WNK2: variants seen among roughly 807,000 people sequenced by gnomAD.
The protein encoded by WNK2 is serine/threonine-protein kinase WNK2.
A neutral mutation model predicts 192.1 loss-of-function variants in WNK2; 67 were observed. That is an observed-to-expected ratio of 0.35 (90% CI 0.29 to 0.43). WNK2 has a LOEUF of 0.43. WNK2 is among the 20% of genes least tolerant of loss of function. The pLI is 1.00. For synonymous variants in WNK2, 1,439 were observed against 1,393.9 expected, an observed-to-expected ratio of 1.03 and a Z score of -0.72; for missense variants, 2,698 against 3,089.7, an observed-to-expected ratio of 0.87 and a Z score of 3.01.
intron 2 of WNK2, among the ~76,000 whole-genome samples, chr9:93,216,397 G>C (rs545410313): frequency 6.6e-6 from 1 of 152,156 alleles, no homozygotes; most frequent in African/African-American, 2.4e-5. Flanking sequence ...TGTAGTCCCA[G>C]CATTTTCGGA....
At chr9:93,260,430 C>T (rs2132911254) in intron 12 of WNK2, among the ~76,000 whole-genome samples, 1 of 152,316 alleles carries the variant, frequency 6.6e-6, no homozygotes, top group African/African-American at 2.4e-5. Flanking sequence ...TCCTACCTGG[C>T]CTTACCCCAG....
At position 93,317,608 on chromosome 9, in the gene WNK2, C is replaced by A. The variant is rs377748076; in HGVS notation, c.6605C>A (p.Pro2202Gln). 6.2e-7 allele frequency: 1 copy of A among 1,613,076 alleles called. No individual in the cohort carries two copies. The highest frequency in any genetic ancestry group is 8.5e-7 in the Non-Finnish European group (1 of 1,179,856). Residue 2202 changes from proline to glutamine, a missense_variant, in exon 29 of 30, where the codon CCG becomes CAG. By Grantham distance (76) the Pro-to-Gln change is moderately conservative (BLOSUM62 -1). Coordinates refer to ENST00000427277, the MANE Select transcript of WNK2 (RefSeq NM_006648.4). ...LSTTVIPGAAPTLSVPTPDPE... is the reference protein window; with the variant it reads ...LSTTVIPGAAQTLSVPTPDPE... ...ACCACGGTCATTCCCGGAGCCGCCC[C>A]GACCCTGTCCGTGCCCACACCAGGT...
At chr9:93,215,758 A>G (rs7019910) in intron 2 of WNK2, among the ~76,000 whole-genome samples, 23,660 of 152,190 alleles carry the variant, frequency 0.16, 1,919 homozygotes, top group South Asian at 0.29. Context: ...ATTTCACACA[A>G]ATTTTAAAGT....
At chr9:93,243,494 C>T (rs1236320720) in intron 7 of WNK2, among the ~76,000 whole-genome samples, 1 of 152,166 alleles carries the variant, frequency 6.6e-6, no homozygotes, top group Admixed American at 6.5e-5. Context: ...GCATTTTTTT[C>T]ATTGTGAGAC....
intron 2 of WNK2, among the ~76,000 whole-genome samples, chr9:93,196,587 G>T (rs564342496): frequency 6.6e-6 from 1 of 152,262 alleles, no homozygotes; most frequent in African/African-American, 2.4e-5. Flanking sequence ...CAGCCAGAAG[G>T]TCCATTTTTC....
At chr9:93,263,410 G>T (rs1289030183) in intron 14 of WNK2, 156 bp from the exon 15 acceptor site, 16 of 871,790 alleles carry the variant, frequency 1.8e-5, no homozygotes, top group Admixed American at 2.6e-5. Flanking sequence ...GGGCCCAGAA[G>T]CAGGCTTGGG....
rs1854909156 is a variant in WNK2 at position 93,317,499 on chromosome 9, T to G, written c.6517-21T>G. On this transcript the variant is annotated intron_variant, in intron 28 of 29. Transcript: ENST00000427277. ...ATTGCAGCCACGTGTACCTTCCTCTTCTCGTCTCTGTGTTTTGTAGATGAC... is the reference window on the plus strand; with the variant it reads ...ATTGCAGCCACGTGTACCTTCCTCTGCTCGTCTCTGTGTTTTGTAGATGAC... The G allele has an allele frequency of 1.9e-6, 3 of 1,612,442 alleles. No individual in the cohort carries two copies. The South Asian group carries it at 3.3e-5, about 18-fold the overall frequency.
chr9:93,300,302 A>G, intron 26 of WNK2, 153 bp downstream of exon 26: 1 of 621,712 alleles, frequency 1.6e-6, no homozygotes, highest in South Asian at 2.0e-5. Flanking sequence ...GAACCCCATG[A>G]GCCGGTCCCC....
rs1479847818 is a variant in WNK2 at position 93,292,338 on chromosome 9, A to T, written c.4967A>T (p.Tyr1656Phe). 6.2e-7 allele frequency: 1 copy of T among 1,613,846 alleles called. No individual in the cohort carries two copies. Among genetic ancestry groups the T allele is most frequent in the African/African-American group, 1.3e-5 (1 of 74,934 alleles). Residue 1656 changes from tyrosine to phenylalanine, a missense_variant, in exon 22 of 30, where the codon TAT becomes TTT. Tyr to Phe is a conservative substitution (Grantham distance 22). Around this residue, in one of 7 missense-constraint regions of WNK2, gnomAD observed 1,098 missense variants for 1,101.0 expected, o/e 1.00. Transcript: ENST00000427277. ...TCGTCTCCCAGGAGTATGCTAGGCT[A>T]TGACAGAGATGGAAGGCAGGTGGCC... ...AESSPRSMLG[Y>F]DRDGRQVASD...
chr9:93,203,310 G>T lies in WNK2; in HGVS notation c.681+17700G>T, dbSNP rs377084224. Among the ~76,000 whole-genome samples, 3 of 152,176 alleles carry T rather than the reference G, an allele frequency of 2.0e-5. No individual in the cohort carries two copies. In the South Asian group the frequency reaches 6.2e-4, roughly 32 times the overall value. On this transcript the variant is annotated intron_variant, in intron 2 of 29. Transcript: ENST00000427277. ...CAGGACCATGGCTGGAGTGGACAGT[G>T]GTCTGAGTTGGGGGCATTGGTGGCG...
At chr9:93,213,379 T>C (rs1211473367) in intron 2 of WNK2, among the ~76,000 whole-genome samples, 1 of 152,250 alleles carries the variant, frequency 6.6e-6, no homozygotes, top group Non-Finnish European at 1.5e-5. Context: ...GTAATGGTAA[T>C]TTTAACAACC....
At chr9:93,218,692 TC>T (rs1410670679) in intron 2 of WNK2, among the ~76,000 whole-genome samples, 1 of 152,148 alleles carries the variant, frequency 6.6e-6, no homozygotes, top group Admixed American at 6.5e-5. Context: ...AGGAAAGGCC[TC>T]CTCCTTTGGG....
In WNK2 at chr9:93,300,037, A is replaced by G. The variant is rs779159755; in HGVS notation, c.6116-14A>G. On this transcript the variant is annotated splice_polypyrimidine_tract_variant and intron_variant, in intron 25 of 29. Coordinates refer to ENST00000427277, the MANE Select transcript of WNK2 (RefSeq NM_006648.4). Reference sequence around the variant, plus strand: ...AGTGTCTCTTTGTTTTCTTCCCTTTATATTCATTTGCAGGCTGGACGGTTT... The same window carrying G: ...AGTGTCTCTTTGTTTTCTTCCCTTTGTATTCATTTGCAGGCTGGACGGTTT... 2.1e-5 allele frequency: 34 copies of G among 1,609,394 alleles called. No individual in the cohort carries two copies. The highest frequency in any genetic ancestry group is 2.6e-5 in the Non-Finnish European group (31 of 1,176,712).
chr9:93,268,530 A>C, intron 18 of WNK2, 97 bp from the exon 19 acceptor site: 2 of 1,537,518 alleles, frequency 1.3e-6, no homozygotes, highest in Non-Finnish European at 1.8e-6. Flanking sequence ...AGGAGTTCAC[A>C]GACCCACTGT....
chr9:93,240,086 G>A, intron 7 of WNK2, 110 bp downstream of exon 7: 1 of 1,152,238 alleles, frequency 8.7e-7, no homozygotes, highest in Non-Finnish European at 1.2e-6. Flanking sequence ...GGGACTGCAA[G>A]GCCAGTGGGT....
At chr9:93,280,595 G>A (rs993691853) in intron 19 of WNK2, among the ~76,000 whole-genome samples, 1 of 152,140 alleles carries the variant, frequency 6.6e-6, no homozygotes, top group African/African-American at 2.4e-5. Context: ...ACCTGGAAAC[G>A]GCTTAGGTGT....
At position 93,259,123 on chromosome 9, in the gene WNK2, G is replaced by A; in HGVS notation, c.2575G>A (p.Val859Met). 1 of 1,611,788 alleles carries A rather than the reference G, an allele frequency of 6.2e-7. No individual in the cohort carries two copies. Among genetic ancestry groups the A allele is most frequent in the South Asian group, 1.1e-5 (1 of 90,998 alleles). ...PASPALPLQA[V>M]KLPHPPGAPL... ...GTCCCCAGCCTTGCCTCTGCAGGCT[G>A]TGAAGCTGCCCCACCCCCCTGGGGC... Residue 859 changes from valine to methionine, a missense_variant, in exon 12 of 30, where the codon GTG becomes ATG. Coordinates refer to ENST00000427277, the MANE Select transcript of WNK2 (RefSeq NM_006648.4). This position sits in a 1 kb window ranked among gnomAD's most constrained non-coding sequence, Gnocchi z 4.8.
At chr9:93,196,568 G>C (rs545659337) in intron 2 of WNK2, among the ~76,000 whole-genome samples, 1 of 152,276 alleles carries the variant, frequency 6.6e-6, no homozygotes. Context: ...TGGTTAGGTG[G>C]GGGCCAAGCA....
intron 2 of WNK2, among the ~76,000 whole-genome samples, chr9:93,213,525 C>T (rs944725000): frequency 1.6e-4 from 24 of 152,206 alleles, no homozygotes; most frequent in African/African-American, 5.1e-4. Context: ...CATGGTGGCT[C>T]ACACCTGTAA....
Sources: allele counts gnomAD v4.1 joint callset (sites outside exome capture counted in the v4.1 genomes callset), GRCh38; gene constraint gnomAD v4.1.1; regional missense constraint gnomAD v4.1.1; non-coding constraint Gnocchi (gnomAD v3.1); transcripts MANE v1.5; gene names NCBI Gene and HGNC (gene_info 2026-07-23, HGNC 2026-07-21).